Variants in NCOR2 observed in about 807,000 individuals in gnomAD.
NCOR2 encodes the protein CTG repeat protein 26.
Under a neutral mutation model 262.9 loss-of-function variants are expected in NCOR2, and 81 were observed. The ratio of observed to expected loss-of-function variants is 0.31; its 90% confidence interval spans 0.26 to 0.37. The LOEUF (loss-of-function observed/expected upper bound fraction) is 0.37. Among genes scored for constraint, NCOR2 ranks in the 10% least tolerant of loss-of-function variants. NCOR2 has a pLI of 1.00. For synonymous variants in NCOR2, 1,659 were observed against 1,559.3 expected (o/e 1.06, Z -1.51); for missense variants, 3,385 against 3,621.4 (o/e 0.93, Z 1.68).
At chr12:124,426,710 C>T (rs2043572913) in exon 11 of NCOR2, 2 of 1,611,416 alleles carry the variant, frequency 1.2e-6, no homozygotes, top group Non-Finnish European at 1.7e-6. Flanking sequence ...GCCATAAGCC[C>T]GTTCATGTTG....
chr12:124,505,971 C>A (rs990379348), intron 1 of NCOR2, among the ~76,000 whole-genome samples: 1 of 152,100 alleles, frequency 6.6e-6, no homozygotes, highest in African/African-American at 2.4e-5. Flanking sequence ...CAAAACCCAC[C>A]CCCAGCACCA....
intron 38 of NCOR2, 130 bp from the exon 41 acceptor site, chr12:124,335,762 G>C: frequency 9.2e-7 from 1 of 1,082,470 alleles, no homozygotes; most frequent in East Asian, 2.6e-5. Context: ...GGTAGGGTTT[G>C]GGCTCCCAAA....
intron 6 of NCOR2, among the ~76,000 whole-genome samples, chr12:124,450,400 A>G (rs1176029611): frequency 1.3e-5 from 2 of 152,208 alleles, no homozygotes; most frequent in Non-Finnish European, 2.9e-5. Flanking sequence ...CATCCCCCAG[A>G]GAGACAACAG....
At chr12:124,355,045 G>A in intron 24 of NCOR2, 106 bp from the exon 27 acceptor site, 1 of 927,090 alleles carries the variant, frequency 1.1e-6, no homozygotes, top group Non-Finnish European at 1.6e-6. Context: ...GTCAGAGGCT[G>A]GGGCTGCTGT....
intron 31 of NCOR2, among the ~76,000 whole-genome samples, chr12:124,345,880 C>T (rs1236557576): frequency 1.3e-5 from 2 of 152,184 alleles, no homozygotes; most frequent in African/African-American, 4.8e-5. Context: ...TTCCCCTTCA[C>T]AAGAGGCCAC....
chr12:124,452,160 G>A (rs774955565), intron 6 of NCOR2, among the ~76,000 whole-genome samples: 3 of 152,238 alleles, frequency 2.0e-5, no homozygotes, highest in Non-Finnish European at 4.4e-5. Context: ...AGAGGAACAA[G>A]AGAGCCCACG....
At chr12:124,393,649 CCAA>C (rs2041465322) in intron 16 of NCOR2, among the ~76,000 whole-genome samples, 1 of 152,242 alleles carries the variant, frequency 6.6e-6, no homozygotes, top group Non-Finnish European at 1.5e-5. Context: ...AGCTCTCATG[CCAA>C]CCCCATTCCT....
At chr12:124,563,915 C>G (rs186356848) in intron 1 of NCOR2, among the ~76,000 whole-genome samples, 1 of 152,334 alleles carries the variant, frequency 6.6e-6, no homozygotes, top group East Asian at 1.9e-4. Context: ...CTAACACGAC[C>G]GTGAATAATC....
At chr12:124,562,780 G>C (rs2052114248) in intron 1 of NCOR2, among the ~76,000 whole-genome samples, 1 of 152,328 alleles carries the variant, frequency 6.6e-6, no homozygotes, top group Middle Eastern at 3.4e-3. Context: ...GCTTTTAAGA[G>C]GGAGGAATGG....
chr12:124,493,486 C>A (rs777754413), intron 1 of NCOR2, among the ~76,000 whole-genome samples: 2 of 152,236 alleles, frequency 1.3e-5, no homozygotes, highest in African/African-American at 4.8e-5. Flanking sequence ...ACTCTCAGTA[C>A]CCCCACTTTA....
chr12:124,399,647 G>A (rs553228815), intron 15 of NCOR2, among the ~76,000 whole-genome samples: 4 of 152,232 alleles, frequency 2.6e-5, no homozygotes, highest in South Asian at 2.1e-4. Flanking sequence ...TGCATGACCC[G>A]GACCCCAGGG....
At chr12:124,557,513 C>A (rs2051922010) in intron 1 of NCOR2, among the ~76,000 whole-genome samples, 1 of 152,114 alleles carries the variant, frequency 6.6e-6, no homozygotes, top group South Asian at 2.1e-4. Flanking sequence ...GATTTAGGGC[C>A]CACCCTGCTC....
exon 47 of NCOR2, chr12:124,325,376 C>CGCCG: frequency 9.4e-6 from 4 of 426,504 alleles, no homozygotes; most frequent in Non-Finnish European, 1.4e-5. Flanking sequence ...GACCTGACAC[C>CGCCG]GCCCCCCCCC....
rs367846295 is a variant in NCOR2 at position 124,335,125 on chromosome 12, G to A, written c.6411+10C>T. 21 of 1,612,202 alleles carry A rather than the reference G, an allele frequency of 1.3e-5. No homozygotes were observed. Among genetic ancestry groups the A allele is most frequent in the African/African-American group, 2.7e-5 (2 of 74,914 alleles). Reference sequence around the variant, plus strand: ...AAGGTGACAAGCAGCAGCAGAGAACGCGTAGTTACACTGATGTGCTGGGCC... The same window carrying A: ...AAGGTGACAAGCAGCAGCAGAGAACACGTAGTTACACTGATGTGCTGGGCC... On this transcript the variant is annotated intron_variant, in intron 40 of 46. Transcript: ENST00000405201.
chr12:124,441,580 G>C (rs1593557637), intron 7 of NCOR2, among the ~76,000 whole-genome samples: 1 of 152,196 alleles, frequency 6.6e-6, no homozygotes, highest in African/African-American at 2.4e-5. Context: ...TGCTAAATTG[G>C]TTGGCAAAAT....
At chr12:124,332,158 C>T (rs1221379893) in intron 43 of NCOR2, 161 bp downstream of exon 45, 7 of 859,264 alleles carry the variant, frequency 8.1e-6, no homozygotes, top group African/African-American at 1.7e-5. Context: ...CTGGGGCTCC[C>T]CAAATGTGAG....
rs569293525 is a variant in NCOR2 at position 124,503,782 on chromosome 12, G to A, written c.-117-8414C>T. 9.2e-5 allele frequency among the ~76,000 whole-genome samples: 14 copies of A among 152,190 alleles called. 1 individual carries two copies. Among genetic ancestry groups the A allele is most frequent in the African/African-American group, 2.2e-4 (9 of 41,518 alleles). The stretch of plus-strand genomic sequence containing the variant: ...TGGATGGATGGATGGATGGATGGGC[G>A]GATGGATGCACACACTCATCACCAG... On this transcript the variant is annotated intron_variant, in intron 1 of 46. Transcript: ENST00000404621. The surrounding 1 kb of genome is among the most constrained non-coding windows in gnomAD (Gnocchi z 4.3).
In NCOR2 at chr12:124,495,212, C is replaced by T; in HGVS notation, c.40G>A (p.Ala14Thr). ...TGGGGCGGGTAGCGGGGCTCAGTGG[C>T]CCTCCACGTCTGTGCCACAGGCTGT... Residue 14 changes from alanine (A) to threonine (T), a missense_variant, in exon 1 of 47, where the codon GCC becomes ACC. Coordinates refer to ENST00000405201, the Ensembl canonical transcript of NCOR2. This position sits in a 1 kb window ranked among gnomAD's most constrained non-coding sequence, Gnocchi z 4.4. The T allele has an allele frequency of 1.2e-6, 2 of 1,613,796 alleles. No individual in the cohort carries two copies. Among genetic ancestry groups the T allele is most frequent in the African/African-American group, 1.3e-5 (1 of 75,026 alleles).
chr12:124,331,991 T>A, intron 43 of NCOR2: 1 of 330,712 alleles, frequency 3.0e-6, no homozygotes, highest in African/African-American at 2.1e-5. Context: ...GCCACACAGG[T>A]GCTGAGTGTG....
Sources: allele counts gnomAD v4.1 joint callset (sites outside exome capture counted in the v4.1 genomes callset), GRCh38; gene constraint gnomAD v4.1.1; non-coding constraint Gnocchi (gnomAD v3.1); transcripts MANE v1.5; gene names NCBI Gene and HGNC (gene_info 2026-07-23, HGNC 2026-07-21).